Variants in CLMN observed in about 807,000 individuals in gnomAD.
The protein encoded by CLMN is calmin.
CLMN carries 57 observed loss-of-function variants against 92.7 expected under a neutral mutation model. That is an observed-to-expected ratio of 0.61 (90% CI 0.50 to 0.77). The LOEUF is 0.77. Ranked by LOEUF, CLMN falls within the 30% of genes least tolerant of loss-of-function variation. The probability of loss-of-function intolerance (pLI) is 0.00; values close to 1 mark genes in which losing one functional copy is unlikely to be tolerated. For missense variants in CLMN, 1,158 were observed against 1,237.5 expected, an observed-to-expected ratio of 0.94 and a Z score of 0.96; for synonymous variants, 466 against 470.6, an observed-to-expected ratio of 0.99 and a Z score of 0.13.
At chr14:95,210,604 T>C in intron 7 of CLMN, 82 bp downstream of exon 7, 1 of 1,428,552 alleles carries the variant, frequency 7.0e-7, no homozygotes, top group Non-Finnish European at 9.6e-7. Flanking sequence ...TTTTTCTGTA[T>C]TTTCCAGATT....
chr14:95,287,134 G>C (rs1433034687), intron 1 of CLMN, among the ~76,000 whole-genome samples: 1 of 152,214 alleles, frequency 6.6e-6, no homozygotes, highest in Admixed American at 6.5e-5. Flanking sequence ...AATTTGCACA[G>C]AGGAGGGGCA....
intron 1 of CLMN, among the ~76,000 whole-genome samples, chr14:95,313,090 C>T (rs376068547): frequency 1.2e-4 from 18 of 152,292 alleles, no homozygotes; most frequent in African/African-American, 4.3e-4. Context: ...CCTGTAATCC[C>T]AGCTACTCGA....
At chr14:95,246,363 G>A (rs1898570688) in intron 1 of CLMN, among the ~76,000 whole-genome samples, 1 of 152,314 alleles carries the variant, frequency 6.6e-6, no homozygotes, top group East Asian at 1.9e-4. Context: ...CCACAAGAAA[G>A]GTTCTTGTCC....
At chr14:95,293,506 G>C (rs1444659657) in intron 1 of CLMN, among the ~76,000 whole-genome samples, 3 of 151,284 alleles carry the variant, frequency 2.0e-5, no homozygotes, top group Non-Finnish European at 2.9e-5. Context: ...CATATCTTGA[G>C]GCCTCCCTAG....
At chr14:95,225,748 C>T (rs533446975) in intron 2 of CLMN, among the ~76,000 whole-genome samples, 4 of 152,172 alleles carry the variant, frequency 2.6e-5, no homozygotes, top group South Asian at 2.1e-4. Context: ...TGAGGGGAAA[C>T]GCAATTCCCT....
chr14:95,285,821 C>T (rs1241027049), intron 1 of CLMN, among the ~76,000 whole-genome samples: 2 of 152,238 alleles, frequency 1.3e-5, no homozygotes, highest in Admixed American at 6.5e-5. Flanking sequence ...CATGGTACGG[C>T]CACACCCTCC....
At chr14:95,221,036 C>A (rs1450850214) in intron 4 of CLMN, among the ~76,000 whole-genome samples, 2 of 152,178 alleles carry the variant, frequency 1.3e-5, no homozygotes, top group Admixed American at 6.5e-5. Context: ...CTATGAAGAA[C>A]CCCAGATGAA....
chr14:95,292,722 GC>G (rs1233362964), intron 1 of CLMN, among the ~76,000 whole-genome samples: 1 of 152,096 alleles, frequency 6.6e-6, no homozygotes, highest in Non-Finnish European at 1.5e-5. Flanking sequence ...AAAAACACCA[GC>G]TTTCCCACGA....
At chr14:95,235,478 C>A (rs1898021649) in intron 1 of CLMN, among the ~76,000 whole-genome samples, 1 of 152,142 alleles carries the variant, frequency 6.6e-6, no homozygotes, top group Non-Finnish European at 1.5e-5. Flanking sequence ...CAGTCTAGAG[C>A]CAGACACACA....
intron 1 of CLMN, among the ~76,000 whole-genome samples, chr14:95,296,538 A>G (rs953487273): frequency 6.6e-6 from 1 of 152,228 alleles, no homozygotes; most frequent in African/African-American, 2.4e-5. Context: ...CAACCCAGTG[A>G]CTAAGTGCTG....
chr14:95,206,954 C>CTT lies in CLMN; in HGVS notation c.885+2439_885+2440dup, dbSNP rs5810716. On this transcript the variant is annotated intron_variant, in intron 8 of 12. Coordinates refer to ENST00000298912, the MANE Select transcript of CLMN (RefSeq NM_024734.4). ...TTGAATTGCAAAATAATAATCACTA[C>CTT]TTTTTTTTTTTTGCTTAAAACAACA... 2.0e-3 allele frequency among the ~76,000 whole-genome samples: 290 copies of CTT among 147,894 alleles called. 1 individual carries two copies. The highest frequency in any genetic ancestry group is 2.8e-3 in the Non-Finnish European group (189 of 66,786).
intron 1 of CLMN, among the ~76,000 whole-genome samples, chr14:95,296,499 T>C (rs997836934): frequency 6.6e-6 from 1 of 152,254 alleles, no homozygotes; most frequent in African/African-American, 2.4e-5. Flanking sequence ...CCATGGGCTT[T>C]ATTTCCCAGT....
At chr14:95,212,247 G>T (rs1178440198) in intron 6 of CLMN, among the ~76,000 whole-genome samples, 1 of 152,196 alleles carries the variant, frequency 6.6e-6, no homozygotes, top group African/African-American at 2.4e-5. Context: ...TAATTGTCCT[G>T]GAAGGCAGTG....
At chr14:95,285,253 G>C (rs1020756810) in intron 1 of CLMN, among the ~76,000 whole-genome samples, 17 of 152,156 alleles carry the variant, frequency 1.1e-4, no homozygotes, top group African/African-American at 4.1e-4. Context: ...CCAGTCGTGG[G>C]TATGCCTTTA....
At chr14:95,197,121 T>C (rs1211695607) in intron 9 of CLMN, among the ~76,000 whole-genome samples, 1 of 152,122 alleles carries the variant, frequency 6.6e-6, no homozygotes, top group African/African-American at 2.4e-5. Context: ...TGTGTGGTAG[T>C]GCCTGTGGTC....
chr14:95,205,323 G>A (rs1419894451), intron 8 of CLMN, among the ~76,000 whole-genome samples: 4 of 152,056 alleles, frequency 2.6e-5, no homozygotes, highest in South Asian at 2.1e-4. Flanking sequence ...GCAGGAAAAC[G>A]AAATCCACAA....
In CLMN at chr14:95,185,583, G is replaced by C. The variant is rs568540534; in HGVS notation, c.*5981C>G. ...CAGTGATTATGCAATGTCGGGGAAG[G>C]AGAAATAACACAGCTGGGCCTCACA... On this transcript the variant is annotated 3_prime_UTR_variant, in exon 13 of 13. Transcript: ENST00000298912. The C allele has an allele frequency of 6.6e-6, 1 of 152,210 alleles. No homozygotes were observed. The highest frequency in any genetic ancestry group is 1.5e-5 in the Non-Finnish European group (1 of 68,096). 9.4% of individuals were successfully genotyped at this position (152,210 alleles called of 1,614,324 possible). A position where few individuals can be genotyped will look rare whatever the true frequency, so the allele number is the denominator to read the frequency against.
intron 9 of CLMN, chr14:95,198,896 A>C (rs1566859840): frequency 6.6e-6 from 1 of 152,050 alleles, no homozygotes; most frequent in Non-Finnish European, 1.5e-5. Context: ...TCATCATTTT[A>C]TTTTATTTAT....
intron 1 of CLMN, among the ~76,000 whole-genome samples, chr14:95,230,716 C>T (rs1216329614): frequency 6.6e-6 from 1 of 152,244 alleles, no homozygotes; most frequent in African/African-American, 2.4e-5. Flanking sequence ...GAGGAGCTCA[C>T]TCTCCAAGCT....
Sources: gnomAD v4.1 joint callset for allele counts (sites outside exome capture counted in the v4.1 genomes callset) on GRCh38, gnomAD v4.1.1 for gene constraint, MANE v1.5 for transcripts, NCBI Gene and HGNC (gene_info 2026-07-23, HGNC 2026-07-21) for gene names.